SERPINI1: variants seen among roughly 807,000 people sequenced by gnomAD.
SERPINI1 encodes the protein neuroserpin.
A neutral mutation model predicts 41.1 loss-of-function variants in SERPINI1; 19 were observed. That is an observed-to-expected ratio of 0.46 (90% CI 0.32 to 0.68). The LOEUF is 0.68. Ranked by LOEUF, SERPINI1 falls within the 30% of genes least tolerant of loss-of-function variation. The pLI is 0.03. For synonymous variants in SERPINI1, 138 were observed against 156.6 expected, an observed-to-expected ratio of 0.88 and a Z score of 0.89; for missense variants, 460 against 479.2, an observed-to-expected ratio of 0.96 and a Z score of 0.37.
At chr3:167,776,608 C>G (rs909003059) in intron 1 of SERPINI1, among the ~76,000 whole-genome samples, 1 of 152,222 alleles carries the variant, frequency 6.6e-6, no homozygotes, top group Non-Finnish European at 1.5e-5. Context: ...ATTATGGGCT[C>G]TTTGGTCAAG....
intron 1 of SERPINI1, among the ~76,000 whole-genome samples, chr3:167,788,773 A>G (rs567979747): frequency 4.6e-5 from 7 of 152,332 alleles, no homozygotes; most frequent in African/African-American, 7.2e-5. Context: ...TTTTCATTAT[A>G]CTTGTCCTAG....
chr3:167,764,592 C>T (rs924298902), intron 1 of SERPINI1, among the ~76,000 whole-genome samples: 1 of 152,168 alleles, frequency 6.6e-6, no homozygotes, highest in Non-Finnish European at 1.5e-5. Flanking sequence ...CCATGTTATT[C>T]CACTTCTGGC....
chr3:167,752,833 G>A (rs560069109), intron 1 of SERPINI1, among the ~76,000 whole-genome samples: 3 of 152,006 alleles, frequency 2.0e-5, no homozygotes, highest in South Asian at 4.2e-4. Context: ...CCTCTGTCTG[G>A]AATACTGCTT....
intron 1 of SERPINI1, among the ~76,000 whole-genome samples, chr3:167,766,700 C>T (rs1183099405): frequency 6.6e-6 from 1 of 152,190 alleles, no homozygotes; most frequent in Admixed American, 6.5e-5. Flanking sequence ...TTAAACAGGC[C>T]TATTGCTGAT....
Position 167,824,466 on chromosome 3 carries a change from A to G in SERPINI1, c.1067-7A>G, listed in dbSNP as rs371582424. On this transcript the variant is annotated splice_region_variant and splice_polypyrimidine_tract_variant and intron_variant, in intron 7 of 8. Coordinates refer to ENST00000446050, the MANE Select transcript of SERPINI1 (RefSeq NM_001122752.2). Reference sequence around the variant, plus strand: ...AGACATATAATTACTTTTTATCTGCACTGTAGGAATGATTGCAATTAGTAG... The same window carrying G: ...AGACATATAATTACTTTTTATCTGCGCTGTAGGAATGATTGCAATTAGTAG... 6.2e-7 allele frequency: 1 copy of G among 1,607,692 alleles called. No individual in the cohort carries two copies. The highest frequency in any genetic ancestry group is 8.5e-7 in the Non-Finnish European group (1 of 1,174,378).
In SERPINI1 at chr3:167,783,765, A is replaced by T. The variant is rs188190024; in HGVS notation, c.-18-5346A>T. On this transcript the variant is annotated intron_variant, in intron 1 of 8. Coordinates refer to ENST00000446050, the MANE Select transcript of SERPINI1 (RefSeq NM_001122752.2). ...AGGGAGCCAGCAACCAGCAACCAGC[A>T]GCAGAGAGGCTAGAGTAGACTAGCA... 1.1e-4 allele frequency among the ~76,000 whole-genome samples: 16 copies of T among 152,354 alleles called. No homozygotes were observed. The East Asian group carries it at 2.9e-3, about 28-fold the overall frequency.
intron 1 of SERPINI1, among the ~76,000 whole-genome samples, chr3:167,758,849 T>C (rs1175768172): frequency 6.6e-6 from 1 of 152,212 alleles, no homozygotes; most frequent in Non-Finnish European, 1.5e-5. Flanking sequence ...ATGAAGGATA[T>C]ATGGGAACTC....
chr3:167,782,929 C>T (rs569582920), intron 1 of SERPINI1, among the ~76,000 whole-genome samples: 1 of 152,220 alleles, frequency 6.6e-6, no homozygotes, highest in African/African-American at 2.4e-5. Flanking sequence ...GTTACAGGAT[C>T]CATGAAGGAG....
intron 7 of SERPINI1, among the ~76,000 whole-genome samples, 200 bp downstream of exon 7, chr3:167,823,272 ACT>A (rs1333828534): frequency 6.6e-6 from 1 of 152,038 alleles, no homozygotes; most frequent in African/African-American, 2.4e-5. Flanking sequence ...TTTACAGATA[ACT>A]CTCATCTTCA....
At chr3:167,772,893 T>TATATATATATATATACACAC in intron 1 of SERPINI1, among the ~76,000 whole-genome samples, 1 of 52,240 alleles carries the variant, frequency 1.9e-5, no homozygotes, top group African/African-American at 9.2e-5. Flanking sequence ...TATATATATA[T>TATATATATATATATACACAC]ACACACACAC....
chr3:167,740,335 T>C (rs1205605126), intron 1 of SERPINI1, among the ~76,000 whole-genome samples: 2 of 152,198 alleles, frequency 1.3e-5, no homozygotes, highest in African/African-American at 4.8e-5. Context: ...CTTGCTGATA[T>C]TATTCTTAAT....
intron 6 of SERPINI1, among the ~76,000 whole-genome samples, chr3:167,810,928 A>C (rs187125830): frequency 4.0e-5 from 6 of 151,580 alleles, no homozygotes; most frequent in African/African-American, 1.5e-4. Flanking sequence ...ATCTCATCTC[A>C]AGAAACCACT....
At chr3:167,800,441 G>C (rs1358411200) in intron 5 of SERPINI1, among the ~76,000 whole-genome samples, 1 of 152,094 alleles carries the variant, frequency 6.6e-6, no homozygotes, top group African/African-American at 2.4e-5. Context: ...TCTCTAAATT[G>C]AGTTTTTTAA....
intron 8 of SERPINI1, 27 bp from the exon 9 acceptor site, chr3:167,825,220 C>G (rs192226959): frequency 2.7e-6 from 4 of 1,479,804 alleles, no homozygotes; most frequent in Non-Finnish European, 3.8e-6. Flanking sequence ...TTCACCCCCT[C>G]TTTTGTTTAC....
intron 1 of SERPINI1, among the ~76,000 whole-genome samples, chr3:167,775,136 GTC>G (rs1402307464): frequency 1.4e-5 from 2 of 144,714 alleles, no homozygotes; most frequent in Non-Finnish European, 3.0e-5. Context: ...TGCTCTAAAA[GTC>G]TGTGTGAATT....
intron 6 of SERPINI1, among the ~76,000 whole-genome samples, chr3:167,818,017 G>GTTT (rs1712175835): frequency 1.4e-5 from 2 of 141,636 alleles, no homozygotes; most frequent in African/African-American, 2.9e-5. Flanking sequence ...GAAATATTTT[G>GTTT]GTTGTTTGTT....
chr3:167,812,224 T>C (rs954128518), intron 6 of SERPINI1, among the ~76,000 whole-genome samples: 2 of 152,216 alleles, frequency 1.3e-5, no homozygotes, highest in Non-Finnish European at 2.9e-5. Flanking sequence ...ATTAATCGCC[T>C]TAAAAACTTA....
chr3:167,802,569 A>G (rs1727936417), intron 5 of SERPINI1, among the ~76,000 whole-genome samples: 1 of 151,866 alleles, frequency 6.6e-6, no homozygotes, highest in Non-Finnish European at 1.5e-5. Context: ...AATCAAAACC[A>G]CAATGAGATG....
chr3:167,757,298 G>A (rs1726223805), intron 1 of SERPINI1, among the ~76,000 whole-genome samples: 1 of 152,136 alleles, frequency 6.6e-6, no homozygotes, highest in African/African-American at 2.4e-5. Context: ...TTTGTGCAGT[G>A]CTTGGGATGT....
Sources: gnomAD v4.1 joint callset for allele counts (sites outside exome capture counted in the v4.1 genomes callset) on GRCh38, gnomAD v4.1.1 for gene constraint, MANE v1.5 for transcripts, NCBI Gene and HGNC (gene_info 2026-07-23, HGNC 2026-07-21) for gene names.